The following ADAM18 variants were observed in gnomAD, a reference collection of about 807,000 sequenced individuals.
ADAM18 encodes ADAM metallopeptidase domain 18, also known as disintegrin and metalloproteinase domain-containing protein 18.
A neutral mutation model predicts 94.4 loss-of-function variants in ADAM18; 117 were observed. The observed-to-expected ratio is 1.24, with a 90% CI of 1.07 to 1.45. The LOEUF is 1.45. Ranked by LOEUF, ADAM18 falls within the 40% of genes most tolerant of loss-of-function variation. The probability of loss-of-function intolerance (pLI) is 0.00; values close to 1 mark genes in which losing one functional copy is unlikely to be tolerated. For missense variants in ADAM18, 936 were observed against 880.0 expected, an observed-to-expected ratio of 1.06 and a Z score of -0.81; for synonymous variants, 327 against 291.6, an observed-to-expected ratio of 1.12 and a Z score of -1.24.
At chr8:39,689,512 G>A (rs1020438031) in intron 16 of ADAM18, among the ~76,000 whole-genome samples, 2 of 151,946 alleles carry the variant, frequency 1.3e-5, no homozygotes, top group Non-Finnish European at 2.9e-5. Context: ...GTAAATGTGT[G>A]GTCTTGTTTC....
chr8:39,587,161 G>A (rs1435589034), intron 2 of ADAM18, among the ~76,000 whole-genome samples: 1 of 152,106 alleles, frequency 6.6e-6, no homozygotes, highest in Non-Finnish European at 1.5e-5. Flanking sequence ...GACCACAGTC[G>A]ATGTACTAAA....
At chr8:39,637,825 A>G in intron 9 of ADAM18, 122 bp downstream of exon 9, 4 of 836,028 alleles carry the variant, frequency 4.8e-6, no homozygotes, top group Non-Finnish European at 5.1e-6. Flanking sequence ...AAAAATTAGT[A>G]GCCTTTGTCA....
At chr8:39,634,768 T>C (rs1242545727) in intron 7 of ADAM18, among the ~76,000 whole-genome samples, 1 of 152,206 alleles carries the variant, frequency 6.6e-6, no homozygotes, top group African/African-American at 2.4e-5. Context: ...AGAATAAATC[T>C]TGCCTTGAGT....
chr8:39,664,810 T>C (rs966075093), intron 13 of ADAM18, among the ~76,000 whole-genome samples: 2 of 152,192 alleles, frequency 1.3e-5, no homozygotes, highest in African/African-American at 4.8e-5. Context: ...ATTAATGCAG[T>C]AATATAGTAT....
At chr8:39,585,015 T>C (rs1422171891) in intron 1 of ADAM18, among the ~76,000 whole-genome samples, 1 of 152,176 alleles carries the variant, frequency 6.6e-6, no homozygotes, top group Non-Finnish European at 1.5e-5. Flanking sequence ...AGCAAGTCTC[T>C]CATCGATTCT....
chr8:39,601,731 A>T (rs1818908834), intron 2 of ADAM18, among the ~76,000 whole-genome samples: 1 of 152,162 alleles, frequency 6.6e-6, no homozygotes, highest in Non-Finnish European at 1.5e-5. Flanking sequence ...ATATGATTCA[A>T]TGCTGTTAAT....
intron 18 of ADAM18, among the ~76,000 whole-genome samples, chr8:39,722,215 GTGTA>G (rs1439757588): frequency 4.4e-5 from 3 of 68,078 alleles, no homozygotes; most frequent in African/African-American, 9.0e-5. Context: ...GTGTGTGTGT[GTGTA>G]TATATATATA....
chr8:39,714,598 A>T (rs995952874), intron 18 of ADAM18, among the ~76,000 whole-genome samples: 1 of 152,164 alleles, frequency 6.6e-6, no homozygotes, highest in African/African-American at 2.4e-5. Context: ...GTGTAACACC[A>T]GTATCAAAAT....
intron 5 of ADAM18, among the ~76,000 whole-genome samples, chr8:39,609,993 T>G (rs767336149): frequency 2.6e-5 from 4 of 152,234 alleles, no homozygotes; most frequent in Non-Finnish European, 5.9e-5. Flanking sequence ...CTGTTAGTGA[T>G]GCTGGGAGTC....
intron 6 of ADAM18, among the ~76,000 whole-genome samples, chr8:39,625,425 G>A (rs1297808309): frequency 1.3e-5 from 2 of 152,094 alleles, no homozygotes; most frequent in African/African-American, 4.8e-5. Flanking sequence ...TCAAATGTAG[G>A]AGTCTTCTAG....
At chr8:39,635,693 A>G (rs1820057741) in intron 7 of ADAM18, among the ~76,000 whole-genome samples, 1 of 152,060 alleles carries the variant, frequency 6.6e-6, no homozygotes, top group South Asian at 2.1e-4. Flanking sequence ...TTCTACTCCA[A>G]TCTGTGGCAT....
chr8:39,710,134 T>C (rs1822354975), intron 18 of ADAM18, among the ~76,000 whole-genome samples: 1 of 152,198 alleles, frequency 6.6e-6, no homozygotes, highest in East Asian at 1.9e-4. Context: ...TGGAGATAAC[T>C]TCTGTAAGCA....
At chr8:39,653,197 G>A (rs1820585743) in intron 12 of ADAM18, among the ~76,000 whole-genome samples, 1 of 152,144 alleles carries the variant, frequency 6.6e-6, no homozygotes, top group Non-Finnish European at 1.5e-5. Context: ...GTCAACGCAT[G>A]TGTTAATTAG....
At chr8:39,609,434 T>A (rs763982155) in intron 4 of ADAM18, 51 bp from the exon 5 acceptor site, 1 of 1,300,212 alleles carries the variant, frequency 7.7e-7, no homozygotes, top group East Asian at 2.3e-5. Context: ...TGACAATACA[T>A]TTTTTATTCA....
chr8:39,661,891 C>G (rs1043169560), intron 12 of ADAM18, among the ~76,000 whole-genome samples: 1 of 150,876 alleles, frequency 6.6e-6, no homozygotes. Context: ...CAAAGACTAC[C>G]TAGAACATAT....
intron 18 of ADAM18, among the ~76,000 whole-genome samples, chr8:39,717,207 C>T (rs2129581633): frequency 6.6e-6 from 1 of 151,800 alleles, no homozygotes; most frequent in East Asian, 1.9e-4. Flanking sequence ...AGCTCAATCA[C>T]ATAAAAAAAC....
In ADAM18 at chr8:39,635,411, T is replaced by C. The variant is rs531573694; in HGVS notation, c.589-1853T>C. Among the ~76,000 whole-genome samples the C allele has an allele frequency of 2.0e-5, 3 of 152,314 alleles. 1 individual carries two copies. In the East Asian group the frequency reaches 5.8e-4, roughly 29 times the overall value. ...ATATTGGTGAGATATCCCTCTTTGCTCTTTAGCTGCATTTTATTATTTTAA... is the reference window on the plus strand; with the variant it reads ...ATATTGGTGAGATATCCCTCTTTGCCCTTTAGCTGCATTTTATTATTTTAA... On this transcript the variant is annotated intron_variant, in intron 7 of 19. Coordinates refer to ENST00000265707, the MANE Select transcript of ADAM18 (RefSeq NM_014237.3).
chr8:39,654,796 T>C (rs779854211), intron 12 of ADAM18, among the ~76,000 whole-genome samples: 3 of 152,222 alleles, frequency 2.0e-5, no homozygotes, highest in Non-Finnish European at 4.4e-5. Context: ...TGATGATAAC[T>C]GATGAATGTT....
intron 5 of ADAM18, among the ~76,000 whole-genome samples, chr8:39,609,775 G>A (rs889353779): frequency 6.6e-6 from 1 of 152,126 alleles, no homozygotes; most frequent in Admixed American, 6.5e-5. Flanking sequence ...GTGGAAAATG[G>A]AATAGTTTCA....
Sources: allele counts gnomAD v4.1 joint callset (sites outside exome capture counted in the v4.1 genomes callset), GRCh38; gene constraint gnomAD v4.1.1; transcripts MANE v1.5; gene names NCBI Gene and HGNC (gene_info 2026-07-23, HGNC 2026-07-21).